The following DLGAP1 variants were observed in gnomAD, a reference collection of about 807,000 sequenced individuals.
DLGAP1 encodes the protein disks large-associated protein 1.
In DLGAP1, 11 loss-of-function variants were observed where a neutral mutation model predicts 90.8. That is an observed-to-expected ratio of 0.12 (90% CI 0.08 to 0.20). The LOEUF is 0.20. Among genes scored for constraint, DLGAP1 ranks in the 10% least tolerant of loss-of-function variants. The pLI is 1.00. For missense variants in DLGAP1, 1,050 were observed against 1,333.8 expected, an observed-to-expected ratio of 0.79 and a Z score of 3.31; for synonymous variants, 558 against 540.7, an observed-to-expected ratio of 1.03 and a Z score of -0.44.
intron 1 of DLGAP1, among the ~76,000 whole-genome samples, chr18:4,320,540 A>C (rs2080656934): frequency 6.6e-6 from 1 of 152,194 alleles, no homozygotes; most frequent in African/African-American, 2.4e-5. Flanking sequence ...GAAAGCCAAC[A>C]GGCAAGATGT....
intron 7 of DLGAP1, chr18:3,708,623 T>C: frequency 2.3e-6 from 1 of 430,730 alleles, no homozygotes; most frequent in Non-Finnish European, 4.7e-6. Flanking sequence ...TGGACTTAAG[T>C]GGCTTTAAAT....
chr18:4,158,353 G>A (rs535541581), intron 1 of DLGAP1, among the ~76,000 whole-genome samples: 21 of 152,240 alleles, frequency 1.4e-4, no homozygotes, highest in African/African-American at 4.3e-4. Flanking sequence ...ATGGCAGAAG[G>A]AAGGACAGTT....
intron 5 of DLGAP1, among the ~76,000 whole-genome samples, chr18:3,790,352 C>T (rs779213716): frequency 6.6e-5 from 10 of 151,446 alleles, no homozygotes; most frequent in African/African-American, 1.9e-4. Flanking sequence ...ACTGTAGCCT[C>T]GAACTCCTGG....
At chr18:3,864,675 C>T (rs1354219298) in intron 4 of DLGAP1, among the ~76,000 whole-genome samples, 3 of 152,128 alleles carry the variant, frequency 2.0e-5, no homozygotes, top group Non-Finnish European at 4.4e-5. Flanking sequence ...CACCTTTATT[C>T]TGATAGACTT....
chr18:4,294,251 A>G (rs1479057869), intron 1 of DLGAP1: 3 of 152,210 alleles, frequency 2.0e-5, no homozygotes, highest in Non-Finnish European at 4.4e-5. Flanking sequence ...TTGTTATGTT[A>G]TATTCCCAGC....
At chr18:4,446,238 G>C (rs2083664298) in intron 1 of DLGAP1, among the ~76,000 whole-genome samples, 1 of 152,172 alleles carries the variant, frequency 6.6e-6, no homozygotes, top group Admixed American at 6.5e-5. Context: ...CTCGGGTCTG[G>C]AGTAGGCAGG....
chr18:3,924,594 A>T (rs1032688095), intron 3 of DLGAP1, among the ~76,000 whole-genome samples: 2 of 152,040 alleles, frequency 1.3e-5, no homozygotes, highest in Non-Finnish European at 2.9e-5. Flanking sequence ...GAAAGTGTGA[A>T]TTTTTTCAGC....
At chr18:4,030,088 A>C (rs1372059527) in intron 2 of DLGAP1, among the ~76,000 whole-genome samples, 1 of 152,036 alleles carries the variant, frequency 6.6e-6, no homozygotes, top group Non-Finnish European at 1.5e-5. Flanking sequence ...CACCTCCTGG[A>C]TTCAAGCGAT....
intron 1 of DLGAP1, among the ~76,000 whole-genome samples, chr18:4,228,723 CA>C (rs2078242075): frequency 6.6e-6 from 1 of 151,968 alleles, no homozygotes; most frequent in Non-Finnish European, 1.5e-5. Context: ...TGCAGATCCA[CA>C]GCTAATGTCA....
intron 1 of DLGAP1, among the ~76,000 whole-genome samples, chr18:4,281,834 A>G (rs1336843063): frequency 6.6e-6 from 1 of 152,198 alleles, no homozygotes; most frequent in Non-Finnish European, 1.5e-5. Context: ...TAAGATGTAC[A>G]CATATTATAA....
At chr18:3,897,448 G>A (rs1483392239) in intron 3 of DLGAP1, among the ~76,000 whole-genome samples, 1 of 152,038 alleles carries the variant, frequency 6.6e-6, no homozygotes. Flanking sequence ...TAAATGACAG[G>A]TACAGTTCTA....
At chr18:3,838,583 G>A (rs138032052) in intron 4 of DLGAP1, among the ~76,000 whole-genome samples, 499 of 152,326 alleles carry the variant, frequency 3.3e-3, no homozygotes, top group African/African-American at 0.011. Context: ...GTTGTGAACT[G>A]CTTGTTGTGG....
chr18:4,350,265 G>A (rs530805140), intron 1 of DLGAP1, among the ~76,000 whole-genome samples: 26 of 152,050 alleles, frequency 1.7e-4, no homozygotes, highest in Middle Eastern at 3.4e-3. Context: ...ATTAGTTATC[G>A]GATACAATGA....
At chr18:3,744,622 T>C (rs1056143617) in intron 5 of DLGAP1, among the ~76,000 whole-genome samples, 5 of 152,190 alleles carry the variant, frequency 3.3e-5, no homozygotes, top group African/African-American at 1.2e-4. Context: ...TGTAGCTCAC[T>C]GCAACCTTCA....
intron 2 of DLGAP1, among the ~76,000 whole-genome samples, chr18:4,144,890 G>A (rs983503725): frequency 2.6e-5 from 4 of 152,136 alleles, no homozygotes; most frequent in Non-Finnish European, 4.4e-5. Flanking sequence ...ATAGTCAAAT[G>A]TTGTCCTTGA....
At chr18:4,169,181 C>G (rs1202326123) in intron 1 of DLGAP1, among the ~76,000 whole-genome samples, 1 of 152,082 alleles carries the variant, frequency 6.6e-6, no homozygotes, top group Non-Finnish European at 1.5e-5. Context: ...ATGCACAAGA[C>G]TTTGAATTTT....
At chr18:4,218,849 A>ACG (rs2078015603) in intron 1 of DLGAP1, among the ~76,000 whole-genome samples, 1 of 151,174 alleles carries the variant, frequency 6.6e-6, no homozygotes, top group South Asian at 2.1e-4. Flanking sequence ...ACACACACAC[A>ACG]CACAATTTTC....
chr18:4,227,172 AT>A (rs2078209237), intron 1 of DLGAP1, among the ~76,000 whole-genome samples: 1 of 152,064 alleles, frequency 6.6e-6, no homozygotes, highest in South Asian at 2.1e-4. Flanking sequence ...TTGTAAATAT[AT>A]ATGCACCCAA....
chr18:4,012,370 C>T (rs927284500), intron 2 of DLGAP1, among the ~76,000 whole-genome samples: 1 of 152,166 alleles, frequency 6.6e-6, no homozygotes, highest in African/African-American at 2.4e-5. Context: ...TGCCATCCCC[C>T]CCTCTGCCAC....
Sources: allele counts gnomAD v4.1 joint callset (sites outside exome capture counted in the v4.1 genomes callset), GRCh38; gene constraint gnomAD v4.1.1; transcripts MANE v1.5; gene names NCBI Gene and HGNC (gene_info 2026-07-23, HGNC 2026-07-21).